VEZF1: variants seen among roughly 807,000 people sequenced by gnomAD.
The protein encoded by VEZF1 is vascular endothelial zinc finger 1.
A neutral mutation model predicts 44.1 loss-of-function variants in VEZF1; 5 were observed. The ratio of observed to expected loss-of-function variants is 0.11; its 90% CI spans 0.06 to 0.24. The LOEUF (loss-of-function observed/expected upper bound fraction) is 0.24. VEZF1 is among the 10% of genes least tolerant of loss of function. The pLI is 1.00. For synonymous variants in VEZF1, 236 were observed against 233.1 expected, an observed-to-expected ratio of 1.01 and a Z score of -0.11; for missense variants, 358 against 641.8, an observed-to-expected ratio of 0.56 and a Z score of 4.78.
At chr17:57,976,117 A>C (rs923758622) in intron 5 of VEZF1, among the ~76,000 whole-genome samples, 6 of 152,154 alleles carry the variant, frequency 3.9e-5, no homozygotes, top group Non-Finnish European at 1.5e-5. Context: ...CTTCCCCTCA[A>C]GGTGACATCC....
chr17:57,985,731 G>A (rs1033403837), intron 1 of VEZF1, among the ~76,000 whole-genome samples: 1 of 152,154 alleles, frequency 6.6e-6, no homozygotes, highest in Non-Finnish European at 1.5e-5. Flanking sequence ...CAGTGCCAGA[G>A]GGTAAAAGAT....
rs746343850 is a variant in VEZF1, at chr17:57,979,245, GC to G, written c.1044del (p.Gln348HisfsTer9). ...GTCACATGTTGTTGTTGTTGTTGTT[GC>G]TGCTGCTGCTGCTGCTGCTGCTGCT... ...QQQQQQQQQQQQQQQQQHVTS... is the reference protein window; with the variant it reads ...QQQQQQQQQQXQQQQQQHVTS... On this transcript the variant is annotated frameshift_variant, in exon 5 of 6. Coordinates refer to ENST00000581208, the MANE Select transcript of VEZF1 (RefSeq NM_007146.3). LOFTEE classifies it high-confidence loss of function. The G allele has an allele frequency of 4.2e-3, 6,117 of 1,461,200 alleles. 79 individuals carry two copies. Among genetic ancestry groups the G allele is most frequent in the South Asian group, 0.028 (2,331 of 83,554 alleles). The allele number at this position is 1,461,200 out of a possible 1,614,324, so 90.5% of individuals were successfully genotyped here.
rs2143314877 is a variant in VEZF1 at position 57,974,633 on chromosome 17, G to A, written c.1406C>T (p.Pro469Leu). ...TGCTATATTCACTGGGGCAGTGACG[G>A]GGGTGGGGAGGTTGACTGGGGTAGT... is the stretch of plus-strand genomic sequence containing the variant. Reference protein sequence around the residue: ...TLTTPVNLPTPVTAPVNIAHP... With the variant: ...TLTTPVNLPTLVTAPVNIAHP... The change falls in exon 6 of 6, where the codon CCC becomes CTC. Residue 469 changes from proline to leucine, a missense_variant. Around this residue, in one of 4 missense-constraint regions of VEZF1, gnomAD observed 171 missense variants for 272.4 expected, o/e 0.63. Coordinates refer to ENST00000581208, the MANE Select transcript of VEZF1 (RefSeq NM_007146.3). 1 of 1,614,174 alleles carries A rather than the reference G, an allele frequency of 6.2e-7. No individual in the cohort carries two copies. The highest frequency in any genetic ancestry group is 8.5e-7 in the Non-Finnish European group (1 of 1,180,040).
chr17:57,980,615 C>T lies in VEZF1; in HGVS notation c.964G>A (p.Gly322Ser). The change falls in exon 4 of 6, where the codon GGC (glycine) becomes AGC (serine). Residue 322 changes from glycine (G) to serine (S), a missense_variant. Gly to Ser is a moderately conservative substitution (Grantham distance 56). This residue lies in a region of VEZF1 where 171 missense variants were observed against 272.4 expected (regional missense o/e 0.63). Transcript: ENST00000581208. Reference sequence around the variant, plus strand: ...AAGCACCACCTACTTTTACTGATGCCTTGTTTACATGTATTACAGTTGATA... The same window carrying T: ...AAGCACCACCTACTTTTACTGATGCTTTGTTTACATGTATTACAGTTGATA... ...QSINCNTCKQ[G>S]ISKTCMSEET... 6.2e-7 allele frequency: 1 copy of T among 1,612,652 alleles called. No homozygotes were observed. Among genetic ancestry groups the T allele is most frequent in the Non-Finnish European group, 8.5e-7 (1 of 1,179,966 alleles).
chr17:57,984,815 C>T (rs1452950199), intron 1 of VEZF1, among the ~76,000 whole-genome samples: 1 of 152,176 alleles, frequency 6.6e-6, no homozygotes, highest in Non-Finnish European at 1.5e-5. Context: ...GGTGTGGTAT[C>T]CAGAGTTCTC....
intron 2 of VEZF1, 80 bp from the exon 3 acceptor site, chr17:57,982,016 C>G: frequency 6.7e-7 from 1 of 1,491,408 alleles, no homozygotes; most frequent in Non-Finnish European, 9.3e-7. Context: ...ACATGCTTGG[C>G]AGATTGGGAA....
In VEZF1 at chr17:57,983,412, A is replaced by C. The variant is rs1000974653; in HGVS notation, c.34-19T>G. On this transcript the variant is annotated intron_variant, in intron 1 of 5. Coordinates refer to ENST00000581208, the MANE Select transcript of VEZF1 (RefSeq NM_007146.3). Reference sequence around the variant, plus strand: ...CATGGGCCTAAAACCAAACATTTACACTTCAGAAACTCAGCCTCTCACAAT... The same window carrying C: ...CATGGGCCTAAAACCAAACATTTACCCTTCAGAAACTCAGCCTCTCACAAT... The C allele has an allele frequency of 3.8e-6, 6 of 1,572,370 alleles. No homozygotes were observed. The highest frequency in any genetic ancestry group is 5.1e-6 in the Non-Finnish European group (6 of 1,165,912).
rs933386366 is a variant in VEZF1, at chr17:57,982,024, G to A, written c.729-88C>T. On this transcript the variant is annotated intron_variant, in intron 2 of 5. Transcript: ENST00000581208. Reference sequence around the variant, plus strand: ...GATGCTCACATGCTTGGCAGATTGGGAAGGGGTGCATTTTAGGGAAAGCTA... The same window carrying A: ...GATGCTCACATGCTTGGCAGATTGGAAAGGGGTGCATTTTAGGGAAAGCTA... The A allele has an allele frequency of 2.1e-6, 3 of 1,415,470 alleles. No individual in the cohort carries two copies. In the Admixed American group the frequency reaches 5.2e-5, roughly 25 times the overall value. The allele number at this position is 1,415,470 out of a possible 1,614,324, so 87.7% of individuals were successfully genotyped here. A position where few individuals can be genotyped will look rare whatever the true frequency, so the allele number is the denominator to read the frequency against.
chr17:57,976,160 A>G lies in VEZF1; in HGVS notation c.1139-1260T>C, dbSNP rs372679627. On this transcript the variant is annotated intron_variant, in intron 5 of 5. Coordinates refer to ENST00000581208, the MANE Select transcript of VEZF1 (RefSeq NM_007146.3). Reference sequence around the variant, plus strand: ...ACCCCTCAACAAAATTCAGCACCAGAAAACAGCAGTAAAATGATGGGTAGG... The same window carrying G: ...ACCCCTCAACAAAATTCAGCACCAGGAAACAGCAGTAAAATGATGGGTAGG... Among the ~76,000 whole-genome samples, 10 of 152,174 alleles carry G rather than the reference A, an allele frequency of 6.6e-5. No individual in the cohort carries two copies. In the East Asian group the frequency reaches 1.9e-3, roughly 29 times the overall value.
chr17:57,984,409 G>C (rs1216063667), intron 1 of VEZF1, among the ~76,000 whole-genome samples: 1 of 152,168 alleles, frequency 6.6e-6, no homozygotes, highest in Non-Finnish European at 1.5e-5. Flanking sequence ...TTTAGGAAAT[G>C]ATGGAAAAAA....
chr17:57,975,510 G>A (rs1051560679), intron 5 of VEZF1, among the ~76,000 whole-genome samples: 4 of 152,192 alleles, frequency 2.6e-5, no homozygotes, highest in Non-Finnish European at 4.4e-5. Flanking sequence ...AGCTATTTTA[G>A]TATCATGTTT....
At chr17:57,982,134 T>C (rs1260935531) in intron 2 of VEZF1, among the ~76,000 whole-genome samples, 198 bp from the exon 3 acceptor site, 2 of 152,190 alleles carry the variant, frequency 1.3e-5, no homozygotes, top group East Asian at 1.9e-4. Flanking sequence ...ACCTGTTAAT[T>C]TTCTCTCCTA....
rs1321179117 is a variant in VEZF1, at chr17:57,974,437, T to C, written c.*36A>G. 1 of 1,578,706 alleles carries C rather than the reference T, an allele frequency of 6.3e-7. No homozygotes were observed. Among genetic ancestry groups the C allele is most frequent in the Non-Finnish European group, 8.6e-7 (1 of 1,158,068 alleles). On this transcript the variant is annotated 3_prime_UTR_variant, in exon 6 of 6. Coordinates refer to ENST00000581208, the MANE Select transcript of VEZF1 (RefSeq NM_007146.3). Reference sequence around the variant, plus strand: ...CTAAAAGTTAAGTTGCTGGTAAATATTTACTTTTACCCATATTTTGATTTT... The same window carrying C: ...CTAAAAGTTAAGTTGCTGGTAAATACTTACTTTTACCCATATTTTGATTTT...
chr17:57,987,918 C>T (rs1036299393), intron 1 of VEZF1, among the ~76,000 whole-genome samples, 161 bp downstream of exon 1: 9 of 151,822 alleles, frequency 5.9e-5, no homozygotes, highest in African/African-American at 2.2e-4. Flanking sequence ...ACCTCAGCAG[C>T]CCCGCTTCGC....
At position 57,973,877 on chromosome 17, in the gene VEZF1, A is replaced by G. The variant is rs1025612690; in HGVS notation, c.*596T>C. ...TGAAGTTAGAATGATAAATTATCAT[A>G]TGCTTTGCATATCAGAGCTGGTATC... On this transcript the variant is annotated 3_prime_UTR_variant, in exon 6 of 6. Coordinates refer to ENST00000581208, the MANE Select transcript of VEZF1 (RefSeq NM_007146.3). 6.4e-6 allele frequency: 1 copy of G among 155,636 alleles called. No homozygotes were observed. Among genetic ancestry groups the G allele is most frequent in the African/African-American group, 2.4e-5 (1 of 41,458 alleles). 9.6% of individuals were successfully genotyped at this position (155,636 alleles called of 1,614,324 possible).
chr17:57,976,671 A>G (rs966537173), intron 5 of VEZF1, among the ~76,000 whole-genome samples: 1 of 152,178 alleles, frequency 6.6e-6, no homozygotes, highest in Non-Finnish European at 1.5e-5. Flanking sequence ...AGAGGTTTCT[A>G]AGATCAGTGG....
Position 57,972,923 on chromosome 17 carries a change from T to C in VEZF1, c.*1550A>G, listed in dbSNP as rs2075151106. The C allele has an allele frequency of 6.6e-6, 1 of 152,582 alleles. No individual in the cohort carries two copies. The highest frequency in any genetic ancestry group is 6.5e-5 in the Admixed American group (1 of 15,276). The allele number at this position is 152,582 out of a possible 1,614,324, so 9.5% of individuals were successfully genotyped here. On this transcript the variant is annotated 3_prime_UTR_variant, in exon 6 of 6. Transcript: ENST00000581208. ...TATTTTGATGCTTGAACTGACACAG[T>C]AGGGTATAAATGGAAATCATCCAGT...
In VEZF1 at chr17:57,978,994, A is replaced by G. The variant is rs555799138; in HGVS notation, c.1138+158T>C. Among the ~76,000 whole-genome samples the G allele has an allele frequency of 2.0e-5, 3 of 152,332 alleles. No homozygotes were observed. The East Asian group carries it at 5.8e-4, about 29-fold the overall frequency. On this transcript the variant is annotated intron_variant, in intron 5 of 5. Coordinates refer to ENST00000581208, the MANE Select transcript of VEZF1 (RefSeq NM_007146.3). ...AACTTATCTGGACACTTTATTGCCAATAACTATACTTTACCAGATATTTCC... is the reference window on the plus strand; with the variant it reads ...AACTTATCTGGACACTTTATTGCCAGTAACTATACTTTACCAGATATTTCC...
At chr17:57,987,688 CG>C (rs1315112129) in intron 1 of VEZF1, among the ~76,000 whole-genome samples, 1 of 152,150 alleles carries the variant, frequency 6.6e-6, no homozygotes, top group Non-Finnish European at 1.5e-5. Context: ...GGGACCGGGC[CG>C]GCACGCAATG....
Sources: allele counts gnomAD v4.1 joint callset (sites outside exome capture counted in the v4.1 genomes callset), GRCh38; gene constraint gnomAD v4.1.1; regional missense constraint gnomAD v4.1.1; transcripts MANE v1.5; gene names NCBI Gene and HGNC (gene_info 2026-07-23, HGNC 2026-07-21).